The following MIR2052HG variants were observed in gnomAD, a reference collection of about 807,000 sequenced individuals.
MIR2052HG encodes the protein MIR2052 host gene.
chr8:74,664,400 C>T (rs958578384), intron 2 of MIR2052HG, among the ~76,000 whole-genome samples: 4 of 152,106 alleles, frequency 2.6e-5, no homozygotes, highest in Non-Finnish European at 1.5e-5. Flanking sequence ...AAAACTGACT[C>T]AAATATATAA....
At chr8:74,630,544 A>AAG (rs11421552) in intron 2 of MIR2052HG, among the ~76,000 whole-genome samples, 1 of 150,676 alleles carries the variant, frequency 6.6e-6, no homozygotes, top group Non-Finnish European at 1.5e-5. Flanking sequence ...AAAAAAAAAA[A>AAG]GAAAAAAGGG....
intron 2 of MIR2052HG, among the ~76,000 whole-genome samples, chr8:74,656,751 C>T (rs1191004895): frequency 1.3e-5 from 2 of 152,026 alleles, no homozygotes; most frequent in Non-Finnish European, 2.9e-5. Context: ...GGTGACTGTA[C>T]CAGAGAGGAC....
chr8:74,625,335 A>G (rs1474739476), intron 2 of MIR2052HG: 2 of 152,268 alleles, frequency 1.3e-5, no homozygotes, highest in Non-Finnish European at 2.9e-5. Context: ...AAGTGCTGGC[A>G]TTACAGGTAT....
At chr8:74,749,033 C>T (rs1291665495) in intron 4 of MIR2052HG, among the ~76,000 whole-genome samples, 1 of 151,896 alleles carries the variant, frequency 6.6e-6, no homozygotes, top group East Asian at 1.9e-4. Flanking sequence ...GATGCCATTT[C>T]AATGTATTTG....
intron 4 of MIR2052HG, among the ~76,000 whole-genome samples, chr8:74,710,893 T>A (rs1809460552): frequency 6.6e-6 from 1 of 152,102 alleles, no homozygotes; most frequent in Non-Finnish European, 1.5e-5. Context: ...CATAGCTGGG[T>A]CAAGTTATTG....
chr8:74,712,927 G>A (rs1331485053), intron 4 of MIR2052HG, among the ~76,000 whole-genome samples: 1 of 152,036 alleles, frequency 6.6e-6, no homozygotes, highest in African/African-American at 2.4e-5. Flanking sequence ...AATGCAGATA[G>A]GAAATGAAAT....
At chr8:74,730,895 A>G (rs1254299959) in intron 4 of MIR2052HG, among the ~76,000 whole-genome samples, 1 of 152,184 alleles carries the variant, frequency 6.6e-6, no homozygotes, top group Non-Finnish European at 1.5e-5. Flanking sequence ...GGCGGTGGCC[A>G]GTGGCCAGAC....
intron 4 of MIR2052HG, among the ~76,000 whole-genome samples, chr8:74,708,878 G>A (rs982527477): frequency 2.0e-5 from 3 of 151,392 alleles, no homozygotes; most frequent in African/African-American, 7.3e-5. Context: ...AAAGTGCATG[G>A]CATATTGGGA....
In MIR2052HG at chr8:74,603,350, G is replaced by C. The variant is rs375094228; in HGVS notation, n.128+3442G>C. 6.8e-6 allele frequency: 11 copies of C among 1,610,774 alleles called. No homozygotes were observed. The East Asian group carries it at 1.3e-4, about 20-fold the overall frequency. On this transcript the variant is annotated intron_variant and non_coding_transcript_variant, in intron 1 of 6. Coordinates refer to ENST00000523442, the Ensembl canonical transcript of MIR2052HG. ...CTGACATTGATTAGATATTGAGCCA[G>C]GCTAATGCTGGCAGCAGATCCAGTG...
At position 74,665,819 on chromosome 8, in the gene MIR2052HG, G is replaced by T. The variant is rs558029897; in HGVS notation, n.217-36560G>T. 3.3e-5 allele frequency among the ~76,000 whole-genome samples: 5 copies of T among 152,238 alleles called. No homozygotes were observed. The South Asian group carries it at 1.0e-3, about 32-fold the overall frequency. ...GGAGGTAATTGAATCATGGGAGAGG[G>T]TCTTTCCCTTGCTGTTCTTGTGATA... On this transcript the variant is annotated intron_variant and non_coding_transcript_variant, in intron 2 of 6. Transcript: ENST00000523442.
chr8:74,635,117 A>T (rs2128734716), intron 2 of MIR2052HG, among the ~76,000 whole-genome samples: 1 of 152,294 alleles, frequency 6.6e-6, no homozygotes, highest in African/African-American at 2.4e-5. Flanking sequence ...GCATACCAAA[A>T]GGGTATTATG....
intron 2 of MIR2052HG, among the ~76,000 whole-genome samples, chr8:74,639,952 C>T (rs932486853): frequency 2.0e-5 from 3 of 152,110 alleles, no homozygotes; most frequent in Admixed American, 2.0e-4. Flanking sequence ...GAATGAGAGC[C>T]ACTTGAGCCA....
intron 4 of MIR2052HG, among the ~76,000 whole-genome samples, chr8:74,719,836 T>G (rs1809556460): frequency 9.3e-6 from 1 of 107,962 alleles, no homozygotes; most frequent in Non-Finnish European, 1.8e-5. Flanking sequence ...CTTCTTTTTT[T>G]TTTTTCTTTT....
At chr8:74,716,581 G>A (rs745422146) in intron 4 of MIR2052HG, among the ~76,000 whole-genome samples, 21 of 152,086 alleles carry the variant, frequency 1.4e-4, no homozygotes, top group East Asian at 1.9e-4. Context: ...GTGGTGGTGC[G>A]CACCTGTAAT....
intron 1 of MIR2052HG, among the ~76,000 whole-genome samples, chr8:74,607,319 T>C (rs966756143): frequency 2.4e-4 from 37 of 152,186 alleles, no homozygotes; most frequent in African/African-American, 8.9e-4. Flanking sequence ...GCTTAAAAAA[T>C]ACACATAACA....
chr8:74,619,332 C>T (rs1176524749), intron 2 of MIR2052HG, among the ~76,000 whole-genome samples: 1 of 152,084 alleles, frequency 6.6e-6, no homozygotes, highest in Non-Finnish European at 1.5e-5. Context: ...GCAAAAAGAA[C>T]AGAGCTGGAG....
intron 4 of MIR2052HG, among the ~76,000 whole-genome samples, chr8:74,743,191 G>T (rs1388093651): frequency 6.6e-6 from 1 of 151,966 alleles, no homozygotes; most frequent in African/African-American, 2.4e-5. Flanking sequence ...TAAAATATTA[G>T]ATTAAATATA....
intron 1 of MIR2052HG, among the ~76,000 whole-genome samples, chr8:74,604,470 A>C: frequency 1.7e-5 from 1 of 59,476 alleles, no homozygotes; most frequent in African/African-American, 6.8e-5. Context: ...GAGGAGGAGG[A>C]GGAAGGGGGA....
intron 5 of MIR2052HG, among the ~76,000 whole-genome samples, chr8:74,752,695 G>A (rs1398960133): frequency 6.6e-6 from 1 of 152,168 alleles, no homozygotes; most frequent in Non-Finnish European, 1.5e-5. Context: ...ATGCTAGATT[G>A]CTAGTAAATA....
Sources: gnomAD v4.1 joint callset for allele counts (sites outside exome capture counted in the v4.1 genomes callset) on GRCh38, gnomAD v4.1.1 for gene constraint, MANE v1.5 for transcripts, NCBI Gene and HGNC (gene_info 2026-07-23, HGNC 2026-07-21) for gene names.